Variants in CTBS observed in about 807,000 individuals in gnomAD.
CTBS encodes the protein chitobiase, also known as di-N-acetylchitobiase.
In CTBS, 35 loss-of-function variants were observed where a neutral mutation model predicts 44.3. The observed-to-expected ratio is 0.79, with a 90% CI of 0.60 to 1.05. The LOEUF is 1.05. Ranked by LOEUF, CTBS falls within the 50% of genes least tolerant of loss-of-function variation. The pLI, the probability that CTBS is intolerant of heterozygous loss-of-function variation, is 0.00. For missense variants in CTBS, 458 were observed against 475.3 expected (o/e 0.96, Z 0.34); for synonymous variants, 143 against 168.0 (o/e 0.85, Z 1.15).
chr1:84,556,554 AC>A (rs1684435928), intron 6 of CTBS, among the ~76,000 whole-genome samples: 1 of 148,860 alleles, frequency 6.7e-6, no homozygotes, highest in Non-Finnish European at 1.5e-5. Context: ...TTACTAAAAT[AC>A]AAAAAAATTA....
In CTBS at chr1:84,572,329, C is replaced by T. The variant is rs79299393; in HGVS notation, c.178-1609G>A. ...AATTCATAATGTGAAATTAAGTGGCCCATTGTTTTCTGACTCATATTTCTA... is the reference window on the plus strand; with the variant it reads ...AATTCATAATGTGAAATTAAGTGGCTCATTGTTTTCTGACTCATATTTCTA... On this transcript the variant is annotated intron_variant, in intron 1 of 6. Coordinates refer to ENST00000370630, the MANE Select transcript of CTBS (RefSeq NM_004388.3). Among the ~76,000 whole-genome samples, 1,146 of 151,028 alleles carry T rather than the reference C, an allele frequency of 7.6e-3. 46 individuals are homozygous for T. The East Asian group carries it at 0.12, about 16-fold the overall frequency.
Position 84,555,113 on chromosome 1 carries a change from T to G in CTBS, c.1044A>C (p.Leu348Phe), listed in dbSNP as rs1684389881. The change falls in exon 7 of 7, where the codon TTA becomes TTC. Residue 348 changes from leucine (L) to phenylalanine (F), a missense_variant. By Grantham distance (22) the Leu-to-Phe change is conservative. Transcript: ENST00000370630. ...LKATYIQNYR[L>F]RGIGMWNANC... ...TTGCATTCCACATGCCAATGCCCCGTAAGCGATAGTTTTGTATATATGTTG... is the reference window on the plus strand; with the variant it reads ...TTGCATTCCACATGCCAATGCCCCGGAAGCGATAGTTTTGTATATATGTTG... The G allele has an allele frequency of 1.9e-6, 3 of 1,613,974 alleles. No homozygotes were observed. The East Asian group carries it at 6.7e-5, about 36-fold the overall frequency.
At chr1:84,572,124 A>G (rs1647324412) in intron 1 of CTBS, among the ~76,000 whole-genome samples, 1 of 152,222 alleles carries the variant, frequency 6.6e-6, no homozygotes, top group African/African-American at 2.4e-5. Context: ...GGGGATATGC[A>G]TTACAAAAGA....
chr1:84,573,915 C>T (rs1300410278), intron 1 of CTBS: 1 of 1,237,014 alleles, frequency 8.1e-7, no homozygotes, highest in East Asian at 4.0e-5. Flanking sequence ...GATTATCCTA[C>T]CTTGTTTGCT....
Position 84,553,931 on chromosome 1 carries a change from T to G in CTBS, c.*1068A>C, listed in dbSNP as rs1297388047. ...CTTTATTACATTTAGAAAACTTATT[T>G]GTATAAAATTGATCTTTTAGAAAGA... On this transcript the variant is annotated 3_prime_UTR_variant, in exon 7 of 7. Transcript: ENST00000370630. 1 of 152,168 alleles carries G rather than the reference T, an allele frequency of 6.6e-6. No individual in the cohort carries two copies. Among genetic ancestry groups the G allele is most frequent in the Non-Finnish European group, 1.5e-5 (1 of 68,036 alleles). The allele number at this position is 152,168 out of a possible 1,614,324, so 9.4% of individuals were successfully genotyped here.
In CTBS at chr1:84,574,240, T is replaced by C. The variant is rs1647399185; in HGVS notation, c.176A>G (p.Glu59Gly). ...CRPIRHHPDF[E>G]VFVFDVGQKT... ...AGAGGAGCAGAGGAAGGCGCTGACCTCGAAATCTGGATGGTGGCGAATCGG... is the reference window on the plus strand; with the variant it reads ...AGAGGAGCAGAGGAAGGCGCTGACCCCGAAATCTGGATGGTGGCGAATCGG... The change falls in exon 1 of 7, where the codon GAG (glutamate) becomes GGG (glycine). Residue 59 changes from glutamate to glycine, a missense_variant and splice_region_variant. Glu to Gly is a moderately conservative substitution (Grantham distance 98). Coordinates refer to ENST00000370630, the MANE Select transcript of CTBS (RefSeq NM_004388.3). 1.9e-6 allele frequency: 3 copies of C among 1,605,758 alleles called. No individual in the cohort carries two copies. The East Asian group carries it at 6.7e-5, about 36-fold the overall frequency.
chr1:84,573,620 C>A (rs935659680), intron 1 of CTBS, among the ~76,000 whole-genome samples: 8 of 152,202 alleles, frequency 5.3e-5, no homozygotes, highest in African/African-American at 1.9e-4. Flanking sequence ...TCATCCAATT[C>A]CTGCTTTCAG....
intron 1 of CTBS, chr1:84,573,882 C>T (rs1283701840): frequency 8.9e-7 from 1 of 1,120,548 alleles, no homozygotes; most frequent in Non-Finnish European, 1.1e-6. Flanking sequence ...AAACGAAATC[C>T]TCGTTCCTTG....
At chr1:84,574,028 T>TTG in intron 1 of CTBS, 1 of 1,411,620 alleles carries the variant, frequency 7.1e-7, no homozygotes, top group Non-Finnish European at 9.3e-7. Flanking sequence ...ACGCAGGCAC[T>TTG]TACAGGCTGT....
At chr1:84,560,925 C>G (rs1684584772) in intron 6 of CTBS, among the ~76,000 whole-genome samples, 1 of 152,226 alleles carries the variant, frequency 6.6e-6, no homozygotes. Context: ...TGACAATGCA[C>G]TTGGTCACCC....
chr1:84,563,783 C>T lies in CTBS; in HGVS notation c.747G>A (p.Met249Ile). The change falls in exon 5 of 7, where the codon ATG becomes ATA. Residue 249 changes from methionine to isoleucine, a missense_variant. Transcript: ENST00000370630. The stretch of plus-strand genomic sequence containing the variant: ...AATCATAACCATACCAAGGAACACC[C>T]ATTACAAGTTTCTTAGGATTAATGC... Reference protein sequence around the residue: ...KMSINPKKLVMGVPWYGYDYT... With the variant: ...KMSINPKKLVIGVPWYGYDYT... The T allele has an allele frequency of 1.2e-6, 2 of 1,608,862 alleles. No homozygotes were observed. The highest frequency in any genetic ancestry group is 8.5e-7 in the Non-Finnish European group (1 of 1,177,048).
In CTBS at chr1:84,554,956, T is replaced by C. The variant is rs1684385177; in HGVS notation, c.*43A>G. The C allele has an allele frequency of 6.8e-7, 1 of 1,478,830 alleles. No individual in the cohort carries two copies. Among genetic ancestry groups the C allele is most frequent in the Non-Finnish European group, 9.4e-7 (1 of 1,061,104 alleles). 91.6% of individuals were successfully genotyped at this position (1,478,830 alleles called of 1,614,324 possible). ...AAATGCAAGAAACTAGATCTGTTGA[T>C]ACAGATCATCTTTCTAACTCTTAAT... On this transcript the variant is annotated 3_prime_UTR_variant, in exon 7 of 7. Transcript: ENST00000370630.
Position 84,570,688 on chromosome 1 carries a change from C to G in CTBS, c.210G>C (p.Trp70Cys). The G allele has an allele frequency of 6.2e-7, 1 of 1,613,814 alleles. No individual in the cohort carries two copies. Among genetic ancestry groups the G allele is most frequent in the East Asian group, 2.2e-5 (1 of 44,878 alleles). ...TAATCTGTGACCAATCATAAGATTT[C>G]CAAGTTTTCTGTCCAACATCAAACA... ...VFVFDVGQKT[W>C]KSYDWSQITT... Residue 70 changes from tryptophan (W) to cysteine (C), a missense_variant, in exon 2 of 7, where the codon TGG (tryptophan) becomes TGC (cysteine). Coordinates refer to ENST00000370630, the MANE Select transcript of CTBS (RefSeq NM_004388.3).
At position 84,563,811 on chromosome 1, in the gene CTBS, A is replaced by G; in HGVS notation, c.719T>C (p.Met240Thr). Residue 240 changes from methionine to threonine, a missense_variant, in exon 5 of 7, where the codon ATG becomes ACG. Coordinates refer to ENST00000370630, the MANE Select transcript of CTBS (RefSeq NM_004388.3). ...TACAAGTTTCTTAGGATTAATGCTC[A>G]TCTTGATGTAGTCATTATATCCTAG... The part of the protein sequence containing the change: ...TLTGYNDYIK[M>T]SINPKKLVMG... 1 of 1,607,398 alleles carries G rather than the reference A, an allele frequency of 6.2e-7. No individual in the cohort carries two copies. Among genetic ancestry groups the G allele is most frequent in the Middle Eastern group, 1.7e-4 (1 of 6,020 alleles).
chr1:84,556,275 T>C (rs1684426654), intron 6 of CTBS, among the ~76,000 whole-genome samples: 2 of 152,184 alleles, frequency 1.3e-5, no homozygotes, highest in Admixed American at 6.5e-5. Context: ...GTGAAAAAGA[T>C]AGGAGATAAA....
intron 1 of CTBS, 38 bp from the exon 2 acceptor site, chr1:84,570,758 G>T (rs1344897947): frequency 6.2e-7 from 1 of 1,600,912 alleles, no homozygotes; most frequent in Non-Finnish European, 8.5e-7. Flanking sequence ...TTTAAACCAA[G>T]AATATTATGC....
chr1:84,560,472 A>G lies in CTBS; in HGVS notation c.957+2785T>C, dbSNP rs146985835. On this transcript the variant is annotated intron_variant, in intron 6 of 6. Coordinates refer to ENST00000370630, the MANE Select transcript of CTBS (RefSeq NM_004388.3). ...TAGCTGTCCATACTTCGTTGAACCT[A>G]AGCACAAAAATGGACAGTTTTTCCT... 7.2e-5 allele frequency among the ~76,000 whole-genome samples: 11 copies of G among 152,306 alleles called. No individual in the cohort carries two copies. The East Asian group carries it at 2.1e-3, about 29-fold the overall frequency.
chr1:84,558,543 A>G (rs546419094), intron 6 of CTBS, among the ~76,000 whole-genome samples: 20 of 150,772 alleles, frequency 1.3e-4, no homozygotes, highest in Non-Finnish European at 2.8e-4. Flanking sequence ...CGCCCGCCTC[A>G]GCCTCCCAAA....
intron 4 of CTBS, 34 bp from the exon 5 acceptor site, chr1:84,563,866 T>C (rs772391035): frequency 6.3e-7 from 1 of 1,591,034 alleles, no homozygotes; most frequent in Non-Finnish European, 8.6e-7. Context: ...CATATTTGTT[T>C]CTCTTCATAT....
Sources: allele counts gnomAD v4.1 joint callset (sites outside exome capture counted in the v4.1 genomes callset), GRCh38; gene constraint gnomAD v4.1.1; transcripts MANE v1.5; gene names NCBI Gene and HGNC (gene_info 2026-07-23, HGNC 2026-07-21).